KCNJ6: variants seen among roughly 807,000 people sequenced by gnomAD.
The protein encoded by KCNJ6 is G protein-activated inward rectifier potassium channel 2.
A neutral mutation model predicts 34.2 loss-of-function variants in KCNJ6; 9 were observed. The ratio of observed to expected loss-of-function variants is 0.26; its 90% CI spans 0.16 to 0.46. The LOEUF is 0.46. Ranked by LOEUF, KCNJ6 falls within the 20% of genes least tolerant of loss-of-function variation. KCNJ6 has a pLI of 1.00. For missense variants in KCNJ6, 236 were observed against 531.3 expected, an observed-to-expected ratio of 0.44 and a Z score of 5.46; for synonymous variants, 196 against 207.1, an observed-to-expected ratio of 0.95 and a Z score of 0.46.
chr21:37,726,836 G>A (rs2054857484), intron 2 of KCNJ6, among the ~76,000 whole-genome samples: 1 of 152,182 alleles, frequency 6.6e-6, no homozygotes, highest in African/African-American at 2.4e-5. Flanking sequence ...CATTGGACTT[G>A]GCAATAGGGA....
chr21:37,625,603 GC>G, intron 3 of KCNJ6, 119 bp from the exon 4 acceptor site: 1 of 660,688 alleles, frequency 1.5e-6, no homozygotes, highest in Non-Finnish European at 2.6e-6. Context: ...TGCATACGAT[GC>G]CACACTTAGT....
chr21:37,744,027 ACTACT>A, intron 2 of KCNJ6, among the ~76,000 whole-genome samples: 1 of 152,094 alleles, frequency 6.6e-6, no homozygotes, highest in African/African-American at 2.4e-5. Context: ...AGGGAGCCAC[ACTACT>A]CTATCAATAA....
intron 1 of KCNJ6, among the ~76,000 whole-genome samples, chr21:37,852,358 A>T (rs754265542): frequency 1.3e-5 from 2 of 152,152 alleles, no homozygotes; most frequent in Non-Finnish European, 2.9e-5. Flanking sequence ...GAGTCAGGAT[A>T]TTCACTGCCA....
chr21:37,783,374 C>T (rs1162054755), intron 2 of KCNJ6, among the ~76,000 whole-genome samples: 1 of 152,172 alleles, frequency 6.6e-6, no homozygotes, highest in Non-Finnish European at 1.5e-5. Flanking sequence ...TTTCCCCTAT[C>T]CTGTTCTCAT....
intron 3 of KCNJ6, among the ~76,000 whole-genome samples, chr21:37,710,729 C>G (rs145646457): frequency 6.6e-6 from 1 of 152,326 alleles, no homozygotes; most frequent in East Asian, 1.9e-4. Context: ...TATATGAATG[C>G]TTTACTATTT....
intron 2 of KCNJ6, among the ~76,000 whole-genome samples, chr21:37,731,218 A>C (rs1370660535): frequency 6.6e-6 from 1 of 152,142 alleles, no homozygotes; most frequent in Non-Finnish European, 1.5e-5. Context: ...AAATTACCCC[A>C]GTGGAGCAGA....
chr21:37,795,654 A>G (rs927275263), intron 2 of KCNJ6, among the ~76,000 whole-genome samples: 2 of 151,452 alleles, frequency 1.3e-5, no homozygotes, highest in East Asian at 1.9e-4. Flanking sequence ...CTGAGGCAGG[A>G]GAATGGCGAG....
At chr21:37,648,079 C>T (rs958960610) in intron 3 of KCNJ6, among the ~76,000 whole-genome samples, 1 of 152,198 alleles carries the variant, frequency 6.6e-6, no homozygotes, top group African/African-American at 2.4e-5. Flanking sequence ...GTGAGCTGGG[C>T]TGCTGCTACC....
At chr21:37,885,241 TA>T (rs1357223453) in intron 1 of KCNJ6, among the ~76,000 whole-genome samples, 1 of 151,850 alleles carries the variant, frequency 6.6e-6, no homozygotes, top group Admixed American at 6.6e-5. Flanking sequence ...TTGGGGGAGG[TA>T]CAGTGGTGGG....
chr21:37,793,545 CAAAAAAAAA>C (rs954872713), intron 2 of KCNJ6, among the ~76,000 whole-genome samples: 2 of 19,870 alleles, frequency 1.0e-4, no homozygotes, highest in Admixed American at 9.3e-4. Flanking sequence ...GACTCCATCT[CAAAAAAAAA>C]AAAAAAAAAA....
At chr21:37,667,808 G>T (rs1341024340) in intron 3 of KCNJ6, among the ~76,000 whole-genome samples, 1 of 151,930 alleles carries the variant, frequency 6.6e-6, no homozygotes, top group Non-Finnish European at 1.5e-5. Flanking sequence ...TCTGTCTCCC[G>T]GGGGACAAAA....
chr21:37,646,916 G>T (rs1442618253), intron 3 of KCNJ6, among the ~76,000 whole-genome samples: 1 of 151,926 alleles, frequency 6.6e-6, no homozygotes, highest in African/African-American at 2.4e-5. Context: ...CTCGTGATCC[G>T]CCCACCTCAG....
rs368939811 is a variant in KCNJ6, at chr21:37,625,318, G to C, written c.1113C>G (p.Ala371=). 6.2e-7 allele frequency: 1 copy of C among 1,614,200 alleles called. No homozygotes were observed. Among genetic ancestry groups the C allele is most frequent in the South Asian group, 1.1e-5 (1 of 91,086 alleles). ...STPSLSAKEL[A]ELASRAELPL... is the part of the protein sequence containing the mutation. ...GCAGCTCTGCCCTGCTGGCTAACTCGGCCAGCTCTTTGGCACTAAGGGATG... is the reference window on the plus strand; with the variant it reads ...GCAGCTCTGCCCTGCTGGCTAACTCCGCCAGCTCTTTGGCACTAAGGGATG... Residue 371 remains alanine (A), a synonymous_variant, in exon 4 of 4, where the codon GCC becomes GCG. Transcript: ENST00000609713.
chr21:37,611,609 A>C lies in KCNJ6; in HGVS notation c.*13550T>G, dbSNP rs1469152628. The stretch of plus-strand genomic sequence containing the variant: ...TCCTCAACAAAATATTAGCAAATCA[A>C]GTCCAACAATATATGAAAATAATTA... On this transcript the variant is annotated 3_prime_UTR_variant, in exon 4 of 4. Transcript: ENST00000609713. The C allele has an allele frequency of 1.3e-5, 2 of 152,252 alleles. No individual in the cohort carries two copies. Among genetic ancestry groups the C allele is most frequent in the Non-Finnish European group, 2.9e-5 (2 of 68,040 alleles). 9.4% of individuals were successfully genotyped at this position (152,252 alleles called of 1,614,324 possible). A position where few individuals can be genotyped will look rare whatever the true frequency, so the allele number is the denominator to read the frequency against.
intron 2 of KCNJ6, among the ~76,000 whole-genome samples, chr21:37,835,301 G>C (rs1439860758): frequency 2.0e-5 from 3 of 152,172 alleles, no homozygotes; most frequent in African/African-American, 7.2e-5. Context: ...TCCTAGGGAA[G>C]GGATCCTGCA....
intron 2 of KCNJ6, among the ~76,000 whole-genome samples, chr21:37,732,452 C>T (rs13046857): frequency 6.6e-6 from 1 of 152,246 alleles, no homozygotes; most frequent in African/African-American, 2.4e-5. Context: ...AAGTCGCCCT[C>T]TCTTAGATTC....
Position 37,623,860 on chromosome 21 carries a change from G to C in KCNJ6, c.*1299C>G, listed in dbSNP as rs1006390461. 3 of 152,220 alleles carry C rather than the reference G, an allele frequency of 2.0e-5. No homozygotes were observed. The highest frequency in any genetic ancestry group is 6.5e-5 in the Admixed American group (1 of 15,280). 9.4% of individuals were successfully genotyped at this position (152,220 alleles called of 1,614,324 possible). A position where few individuals can be genotyped will look rare whatever the true frequency, so the allele number is the denominator to read the frequency against. On this transcript the variant is annotated 3_prime_UTR_variant, in exon 4 of 4. Transcript: ENST00000609713. ...AAGAAATGCTGATGGATAAGCCCCAGGGACAGGCGAGATGTCATTCTCAGA... is the reference window on the plus strand; with the variant it reads ...AAGAAATGCTGATGGATAAGCCCCACGGACAGGCGAGATGTCATTCTCAGA...
At chr21:37,749,214 C>T (rs1393952240) in intron 2 of KCNJ6, among the ~76,000 whole-genome samples, 1 of 152,116 alleles carries the variant, frequency 6.6e-6, no homozygotes, top group Non-Finnish European at 1.5e-5. Context: ...TCTAGCTGGT[C>T]TCGAGGGCAT....
intron 2 of KCNJ6, among the ~76,000 whole-genome samples, chr21:37,748,986 C>A (rs570801485): frequency 6.6e-6 from 1 of 152,270 alleles, no homozygotes; most frequent in East Asian, 1.9e-4. Flanking sequence ...AGATATTTAA[C>A]GCTCACATTT....
Sources: gnomAD v4.1 joint callset for allele counts (sites outside exome capture counted in the v4.1 genomes callset) on GRCh38, gnomAD v4.1.1 for gene constraint, MANE v1.5 for transcripts, NCBI Gene and HGNC (gene_info 2026-07-23, HGNC 2026-07-21) for gene names.